The following MYO1E variants were observed in gnomAD, a reference collection of about 807,000 sequenced individuals.
The protein encoded by MYO1E is myosin IE, also known as unconventional myosin-Ie.
A neutral mutation model predicts 151.1 loss-of-function variants in MYO1E; 68 were observed. The observed-to-expected ratio is 0.45, with a 90% CI of 0.37 to 0.55. The LOEUF (loss-of-function observed/expected upper bound fraction) is 0.55, where lower values mean the gene tolerates loss of function less well. Among genes scored for constraint, MYO1E ranks in the 20% least tolerant of loss-of-function variants. MYO1E has a pLI of 0.00. For missense variants in MYO1E, 1,363 were observed against 1,389.3 expected (o/e 0.98, Z 0.30); for synonymous variants, 601 against 501.7 (o/e 1.20, Z -2.64).
intron 1 of MYO1E, among the ~76,000 whole-genome samples, chr15:59,369,616 G>GT (rs1274604671): frequency 2.6e-5 from 4 of 151,960 alleles, no homozygotes; most frequent in Admixed American, 1.3e-4. Flanking sequence ...GATGTGCAGG[G>GT]TTTTTTTTAA....
chr15:59,212,418 T>C (rs1476972085), intron 12 of MYO1E, among the ~76,000 whole-genome samples: 1 of 152,062 alleles, frequency 6.6e-6, no homozygotes, highest in Non-Finnish European at 1.5e-5. Flanking sequence ...GCATAAACAC[T>C]TCCATAACTA....
chr15:59,311,544 A>T (rs1233228894), intron 1 of MYO1E, among the ~76,000 whole-genome samples: 31 of 152,156 alleles, frequency 2.0e-4, no homozygotes, highest in Non-Finnish European at 8.8e-5. Flanking sequence ...AAGCAGGCAG[A>T]AGGACCTGCA....
intron 5 of MYO1E, among the ~76,000 whole-genome samples, chr15:59,236,237 G>A (rs2080062434): frequency 6.6e-6 from 1 of 151,840 alleles, no homozygotes; most frequent in Non-Finnish European, 1.5e-5. Flanking sequence ...CAGCTACTCA[G>A]GAGGCTGAGG....
At chr15:59,321,768 G>A (rs986242792) in intron 1 of MYO1E, among the ~76,000 whole-genome samples, 1 of 152,138 alleles carries the variant, frequency 6.6e-6, no homozygotes, top group Non-Finnish European at 1.5e-5. Context: ...AGAAGGCTAT[G>A]TGGGAGGCTG....
At chr15:59,190,413 C>A (rs868116332) in intron 17 of MYO1E, among the ~76,000 whole-genome samples, 2 of 152,216 alleles carry the variant, frequency 1.3e-5, no homozygotes, top group South Asian at 4.1e-4. Flanking sequence ...CGATGTCACG[C>A]AGGTTCCCAA....
intron 1 of MYO1E, among the ~76,000 whole-genome samples, chr15:59,302,303 C>T (rs1453341825): frequency 1.3e-5 from 2 of 152,164 alleles, no homozygotes; most frequent in African/African-American, 4.8e-5. Flanking sequence ...CCAAAATAGA[C>T]CTTCTATATG....
At chr15:59,179,769 T>C (rs567995642) in intron 18 of MYO1E, among the ~76,000 whole-genome samples, 32 of 152,364 alleles carry the variant, frequency 2.1e-4, no homozygotes, top group African/African-American at 7.2e-4. Flanking sequence ...CTACTATACA[T>C]GCCTATGTTA....
chr15:59,202,364 T>C lies in MYO1E; in HGVS notation c.1660A>G (p.Lys554Glu), dbSNP rs1162255026. ...CCGGCAGTAGTTGGGCGCCCTTTCT[T>C]GTCAGCCTGCAGATTTTCCGGAAAT... Reference protein sequence around the residue: ...SLFPENLQADKKGRPTTAGSK... With the variant: ...SLFPENLQADEKGRPTTAGSK... Residue 554 changes from lysine (K) to glutamate (E), a missense_variant, in exon 16 of 28, where the codon AAG (lysine) becomes GAG (glutamate). Lys to Glu is a moderately conservative substitution (Grantham distance 56). Coordinates refer to ENST00000288235, the MANE Select transcript of MYO1E (RefSeq NM_004998.4). The C allele has an allele frequency of 1.2e-6, 2 of 1,614,044 alleles. No homozygotes were observed. The highest frequency in any genetic ancestry group is 1.7e-6 in the Non-Finnish European group (2 of 1,180,004).
At chr15:59,314,193 T>C (rs924240466) in intron 1 of MYO1E, among the ~76,000 whole-genome samples, 2 of 152,204 alleles carry the variant, frequency 1.3e-5, no homozygotes, top group African/African-American at 4.8e-5. Context: ...TATGTGCACT[T>C]AGGCAGCCAC....
chr15:59,257,932 T>C (rs902363947), intron 3 of MYO1E, among the ~76,000 whole-genome samples: 15 of 152,108 alleles, frequency 9.9e-5, no homozygotes, highest in Admixed American at 9.8e-4. Flanking sequence ...TTTAACAGAG[T>C]TTAACTGAGC....
At chr15:59,194,066 C>G (rs1338639629) in intron 17 of MYO1E, among the ~76,000 whole-genome samples, 1 of 151,808 alleles carries the variant, frequency 6.6e-6, no homozygotes, top group Non-Finnish European at 1.5e-5. Flanking sequence ...CTCAACTACT[C>G]AGGAGGCTGA....
At chr15:59,222,987 G>C in intron 9 of MYO1E, 72 bp downstream of exon 9, 1 of 1,595,254 alleles carries the variant, frequency 6.3e-7, no homozygotes, top group South Asian at 1.1e-5. Context: ...TCTAAGCAAA[G>C]GAAAGTGCTA....
rs557904262 is a variant in MYO1E, at chr15:59,250,140, G to A, written c.332+6144C>T. Among the ~76,000 whole-genome samples, 9 of 151,254 alleles carry A rather than the reference G, an allele frequency of 6.0e-5. No homozygotes were observed. In the East Asian group the frequency reaches 1.5e-3, roughly 26 times the overall value. On this transcript the variant is annotated intron_variant, in intron 4 of 27. Coordinates refer to ENST00000288235, the MANE Select transcript of MYO1E (RefSeq NM_004998.4). ...AGGCTTTTGCCCTCGGTGACTGGGC[G>A]GTGATGTCTATGCCCCTGGAATGTC...
intron 1 of MYO1E, chr15:59,348,543 C>T (rs2080806725): frequency 6.6e-6 from 1 of 152,184 alleles, no homozygotes; most frequent in Admixed American, 6.5e-5. Context: ...CAAGGGTTGT[C>T]ATTTTTAAAA....
Position 59,350,826 on chromosome 15 carries a change from G to C in MYO1E, c.3+21672C>G, listed in dbSNP as rs999632371. 6.6e-6 allele frequency among the ~76,000 whole-genome samples: 1 copy of C among 152,180 alleles called. No individual in the cohort carries two copies. Among genetic ancestry groups the C allele is most frequent in the African/African-American group, 2.4e-5 (1 of 41,446 alleles). On this transcript the variant is annotated intron_variant, in intron 1 of 27. Coordinates refer to ENST00000288235, the MANE Select transcript of MYO1E (RefSeq NM_004998.4). This position sits in a 1 kb window ranked among gnomAD's most constrained non-coding sequence, Gnocchi z 5.0. ...TTGGAGAAGGGAATGATCTCCACGA[G>C]TTAAATCAGAGGCTTCCAGGAAATG...
chr15:59,217,972 G>A lies in MYO1E; in HGVS notation c.1026C>T (p.Thr342=), dbSNP rs1302862080. The change falls in exon 10 of 28, where the codon ACC becomes ACT. Residue 342 remains threonine (T), a synonymous_variant. Transcript: ENST00000288235. The part of the protein sequence containing the change: ...WGGKSESIHV[T]LNVEQACYTR... ...TGTAACAGGCCTGCTCTACGTTGAG[G>A]GTCACGTGGATGGATTCGGATTTGC... 1.2e-6 allele frequency: 2 copies of A among 1,614,238 alleles called. No homozygotes were observed. Among genetic ancestry groups the A allele is most frequent in the Non-Finnish European group, 1.7e-6 (2 of 1,180,044 alleles).
chr15:59,370,567 G>C (rs2080938835), intron 1 of MYO1E, among the ~76,000 whole-genome samples: 1 of 152,148 alleles, frequency 6.6e-6, no homozygotes, highest in South Asian at 2.1e-4. Context: ...ATGGCAGGGA[G>C]CCCATCAATA....
intron 5 of MYO1E, among the ~76,000 whole-genome samples, chr15:59,232,560 T>C (rs1188649218): frequency 6.6e-6 from 1 of 152,216 alleles, no homozygotes. Context: ...GCTCAATAGA[T>C]AGAATTTGAT....
intron 26 of MYO1E, among the ~76,000 whole-genome samples, chr15:59,148,663 G>C (rs1229521931): frequency 2.6e-5 from 4 of 152,254 alleles, no homozygotes; most frequent in Non-Finnish European, 4.4e-5. Flanking sequence ...TTGGACACTT[G>C]ATGGAAATTT....
Sources: allele counts gnomAD v4.1 joint callset (sites outside exome capture counted in the v4.1 genomes callset), GRCh38; gene constraint gnomAD v4.1.1; non-coding constraint Gnocchi (gnomAD v3.1); transcripts MANE v1.5; gene names NCBI Gene and HGNC (gene_info 2026-07-23, HGNC 2026-07-21).